The following ACACA variants were observed in gnomAD, a reference collection of about 807,000 sequenced individuals.
ACACA encodes acetyl-CoA carboxylase 1.
Under a neutral mutation model 296.1 loss-of-function variants are expected in ACACA, and 103 were observed. That is an observed-to-expected ratio of 0.35 (90% CI 0.30 to 0.41). ACACA has a LOEUF of 0.41. Ranked by LOEUF, ACACA falls within the 10% of genes least tolerant of loss-of-function variation. The pLI is 1.00. For synonymous variants in ACACA, 953 were observed against 1,038.6 expected (o/e 0.92, Z 1.58); for missense variants, 1,554 against 2,989.7 (o/e 0.52, Z 11.20).
chr17:37,130,446 A>G (rs565867681), intron 45 of ACACA, among the ~76,000 whole-genome samples: 1 of 152,356 alleles, frequency 6.6e-6, no homozygotes, highest in South Asian at 2.1e-4. Flanking sequence ...GGCTTACTAT[A>G]GCATTAGGAG....
intron 11 of ACACA, among the ~76,000 whole-genome samples, chr17:37,260,296 A>ATTT (rs1165828702): frequency 5.8e-4 from 11 of 18,976 alleles, no homozygotes; most frequent in East Asian, 2.3e-3. Context: ...ATATATATAT[A>ATTT]TTTTTTTTTT....
At chr17:37,313,184 T>C (rs2046931214) in intron 3 of ACACA, among the ~76,000 whole-genome samples, 1 of 152,066 alleles carries the variant, frequency 6.6e-6, no homozygotes, top group Admixed American at 6.6e-5. Flanking sequence ...GAAGAATAGC[T>C]AATGGATACT....
In ACACA at chr17:37,347,532, G is replaced by A. The variant is rs578221788; in HGVS notation, c.39-7682C>T. On this transcript the variant is annotated intron_variant, in intron 1 of 55. Coordinates refer to ENST00000616317, the MANE Select transcript of ACACA (RefSeq NM_198834.3). ...GCTGATCTCAACCTCCTGCTCAAGC[G>A]ATCCTCCAGCCTCAACTTCCCAAAA... 1.5e-4 allele frequency among the ~76,000 whole-genome samples: 23 copies of A among 152,060 alleles called. No homozygotes were observed. The South Asian group carries it at 3.5e-3, about 23-fold the overall frequency.
chr17:37,336,481 TAAAGAGAGCTCACTAA>T (rs2048125298), intron 2 of ACACA, among the ~76,000 whole-genome samples: 1 of 152,202 alleles, frequency 6.6e-6, no homozygotes, highest in East Asian at 1.9e-4. Context: ...AATCAGATAC[TAAAGAGAGCTCACTAA>T]AATGCTAATT....
At chr17:37,349,925 T>A (rs889167639) in intron 1 of ACACA, among the ~76,000 whole-genome samples, 16 of 152,050 alleles carry the variant, frequency 1.1e-4, no homozygotes, top group African/African-American at 3.4e-4. Context: ...ATGGATACCA[T>A]CTTAACTAAG....
rs1269849214 is a variant in ACACA, at chr17:37,207,863, A to AC, written c.3708-64dup. On this transcript the variant is annotated intron_variant, in intron 30 of 55. Transcript: ENST00000616317. ...GGTAGGAGCAAGGACTGGGAAAGTA[A>AC]CAGTAGGGAAAAGGAACTAGGAGAA... is the stretch of plus-strand genomic sequence containing the variant. 5.4e-5 allele frequency: 86 copies of AC among 1,584,090 alleles called. No individual in the cohort carries two copies. The Middle Eastern group carries it at 8.3e-4, about 15-fold the overall frequency.
At chr17:37,380,123 T>C (rs2050181149) in intron 1 of ACACA, among the ~76,000 whole-genome samples, 1 of 151,968 alleles carries the variant, frequency 6.6e-6, no homozygotes, top group African/African-American at 2.4e-5. Context: ...ATGTCCTTTG[T>C]AGGGACATGG....
intron 27 of ACACA, among the ~76,000 whole-genome samples, chr17:37,224,321 T>TC (rs1444310087): frequency 3.9e-5 from 6 of 152,108 alleles, no homozygotes; most frequent in Non-Finnish European, 7.4e-5. Context: ...CATCCTTTTT[T>TC]CCCCTCTAGA....
At chr17:37,228,214 T>A (rs2079646683) in intron 25 of ACACA, among the ~76,000 whole-genome samples, 1 of 148,998 alleles carries the variant, frequency 6.7e-6, no homozygotes, top group African/African-American at 2.5e-5. Flanking sequence ...CCCTTTTTTT[T>A]TTTTTTTTTT....
At chr17:37,250,144 GA>G (rs2080914298) in intron 16 of ACACA, among the ~76,000 whole-genome samples, 1 of 152,180 alleles carries the variant, frequency 6.6e-6, no homozygotes, top group South Asian at 2.1e-4. Flanking sequence ...AGCAGTGTGA[GA>G]ACAGACTAAT....
intron 9 of ACACA, among the ~76,000 whole-genome samples, chr17:37,273,392 G>C (rs1425039450): frequency 6.6e-6 from 1 of 152,190 alleles, no homozygotes; most frequent in Non-Finnish European, 1.5e-5. Flanking sequence ...CTTTTGCCTA[G>C]GTTCACATTT....
At chr17:37,188,539 C>G in intron 38 of ACACA, 59 bp from the exon 39 acceptor site, 2 of 1,564,604 alleles carry the variant, frequency 1.3e-6, no homozygotes, top group Non-Finnish European at 1.8e-6. Context: ...AGACCTGTTT[C>G]AGGTCTGCTC....
intron 49 of ACACA, among the ~76,000 whole-genome samples, chr17:37,122,218 A>T (rs2074561152): frequency 6.6e-6 from 1 of 152,208 alleles, no homozygotes; most frequent in African/African-American, 2.4e-5. Context: ...GTATACTCAG[A>T]GAATAGGGGA....
rs1490498907 is a variant in ACACA at position 37,206,927 on chromosome 17, A to C, written c.3852-48T>G. On this transcript the variant is annotated intron_variant, in intron 31 of 55. Transcript: ENST00000616317. ...CCACCATGAAAACTCAAGTGGCATGAAACTAACACTGCCATTGGCAGCTGA... is the reference window on the plus strand; with the variant it reads ...CCACCATGAAAACTCAAGTGGCATGCAACTAACACTGCCATTGGCAGCTGA... 3 of 1,447,420 alleles carry C rather than the reference A, an allele frequency of 2.1e-6. No individual in the cohort carries two copies. The Admixed American group carries it at 5.0e-5, about 24-fold the overall frequency. The allele number at this position is 1,447,420 out of a possible 1,614,324, so 89.7% of individuals were successfully genotyped here.
intron 2 of ACACA, among the ~76,000 whole-genome samples, chr17:37,335,772 G>C (rs892475466): frequency 1.3e-5 from 2 of 152,156 alleles, no homozygotes; most frequent in East Asian, 3.8e-4. Flanking sequence ...TGGTCACCTT[G>C]CAAGATCAAC....
intron 1 of ACACA, among the ~76,000 whole-genome samples, chr17:37,381,917 GCA>G (rs1315392095): frequency 3.3e-5 from 5 of 152,098 alleles, no homozygotes; most frequent in African/African-American, 7.2e-5. Flanking sequence ...GTGAGCCACT[GCA>G]CCCGGCCATG....
chr17:37,153,531 T>C (rs572386186), intron 43 of ACACA, among the ~76,000 whole-genome samples: 6 of 152,300 alleles, frequency 3.9e-5, no homozygotes, highest in Non-Finnish European at 7.4e-5. Context: ...GAAAACTCAA[T>C]GAAGAACAAG....
At chr17:37,227,595 G>A (rs2079601327) in intron 25 of ACACA, among the ~76,000 whole-genome samples, 1 of 152,050 alleles carries the variant, frequency 6.6e-6, no homozygotes, top group African/African-American at 2.4e-5. Flanking sequence ...TAGGCCGGGC[G>A]CTGTGGCTCA....
chr17:37,126,422 C>T (rs2074788931), intron 47 of ACACA, among the ~76,000 whole-genome samples: 1 of 152,138 alleles, frequency 6.6e-6, no homozygotes, highest in Non-Finnish European at 1.5e-5. Flanking sequence ...GGTTAAGATG[C>T]ACATACTTAA....
Sources: gnomAD v4.1 joint callset for allele counts (sites outside exome capture counted in the v4.1 genomes callset) on GRCh38, gnomAD v4.1.1 for gene constraint, MANE v1.5 for transcripts, NCBI Gene and HGNC (gene_info 2026-07-23, HGNC 2026-07-21) for gene names.